Variants in RAPGEF4 observed in about 807,000 individuals in gnomAD.
The protein encoded by RAPGEF4 is RAP guanine-nucleotide-exchange factor (GEF) 4.
A neutral mutation model predicts 147.9 loss-of-function variants in RAPGEF4; 66 were observed. The observed-to-expected ratio is 0.45, with a 90% CI of 0.37 to 0.55. RAPGEF4 has a LOEUF of 0.55. Ranked by LOEUF, RAPGEF4 falls within the 20% of genes least tolerant of loss-of-function variation. The pLI, the probability that RAPGEF4 is intolerant of heterozygous loss-of-function variation, is 0.00. For missense variants in RAPGEF4, 1,071 were observed against 1,257.3 expected (o/e 0.85, Z 2.24); for synonymous variants, 419 against 442.7 (o/e 0.95, Z 0.67).
At chr2:172,913,054 C>G (rs1043467120) in intron 4 of RAPGEF4, among the ~76,000 whole-genome samples, 5 of 152,040 alleles carry the variant, frequency 3.3e-5, no homozygotes, top group African/African-American at 1.2e-4. Flanking sequence ...CACCACCATG[C>G]CTGGCTCATT....
intron 1 of RAPGEF4, among the ~76,000 whole-genome samples, chr2:172,784,744 C>T (rs1166286553): frequency 6.6e-6 from 1 of 152,082 alleles, no homozygotes; most frequent in African/African-American, 2.4e-5. Context: ...ATATCCATGT[C>T]ATCACTGACA....
At chr2:172,869,635 A>G (rs1217203082) in intron 4 of RAPGEF4, among the ~76,000 whole-genome samples, 1 of 152,124 alleles carries the variant, frequency 6.6e-6, no homozygotes, top group African/African-American at 2.4e-5. Flanking sequence ...GATGATTTTT[A>G]TTATGCACAA....
At chr2:172,875,878 C>A (rs907305307) in intron 4 of RAPGEF4, among the ~76,000 whole-genome samples, 1 of 152,186 alleles carries the variant, frequency 6.6e-6, no homozygotes, top group Non-Finnish European at 1.5e-5. Context: ...TATCCATGAG[C>A]ATGGAATGTT....
chr2:173,052,178 T>C lies in RAPGEF4; in HGVS notation c.*411T>C, dbSNP rs557283373. ...GGATAGATTTGGATAAAATTTTAAC[T>C]CAACATCTTGATTTGGAGCCTGGGG... is the stretch of plus-strand genomic sequence containing the variant. On this transcript the variant is annotated 3_prime_UTR_variant, in exon 31 of 31. Coordinates refer to ENST00000397081, the MANE Select transcript of RAPGEF4 (RefSeq NM_007023.4). The C allele has an allele frequency of 6.5e-6, 1 of 154,466 alleles. No homozygotes were observed. The highest frequency in any genetic ancestry group is 1.4e-5 in the Non-Finnish European group (1 of 69,162). The allele number at this position is 154,466 out of a possible 1,614,324, so 9.6% of individuals were successfully genotyped here.
intron 6 of RAPGEF4, among the ~76,000 whole-genome samples, chr2:172,939,140 T>C (rs1277326041): frequency 6.6e-6 from 1 of 152,240 alleles, no homozygotes; most frequent in East Asian, 1.9e-4. Context: ...GGGCAGATTT[T>C]GTGTGAACAT....
At chr2:173,008,209 T>C (rs567050764) in intron 17 of RAPGEF4, among the ~76,000 whole-genome samples, 7 of 152,304 alleles carry the variant, frequency 4.6e-5, no homozygotes, top group South Asian at 2.1e-4. Context: ...TCCACCATGA[T>C]TGTAAGTTTC....
chr2:172,962,400 CA>C (rs1243768198), intron 8 of RAPGEF4, among the ~76,000 whole-genome samples: 1 of 151,946 alleles, frequency 6.6e-6, no homozygotes, highest in African/African-American at 2.4e-5. Context: ...TGTCTTCTAC[CA>C]ACTATGATAG....
At chr2:172,992,926 G>A (rs2602215) in intron 15 of RAPGEF4, among the ~76,000 whole-genome samples, 53,424 of 151,822 alleles carry the variant, frequency 0.35, 10,538 homozygotes, top group East Asian at 0.79. Flanking sequence ...GGGGAGGGGG[G>A]CATGTAGATA....
rs1244382524 is a variant in RAPGEF4 at position 172,852,523 on chromosome 2, G to GTTAA, written c.444+38101_444+38102insATTA. On this transcript the variant is annotated intron_variant, in intron 4 of 30. Transcript: ENST00000397081. The stretch of plus-strand genomic sequence containing the variant: ...ACTATATGAGGTAGGTATTACTAGT[G>GTTAA]TTACCCTGTTTCAACTTCCTTGTGA... Among the ~76,000 whole-genome samples, 3 of 152,104 alleles carry GTTAA rather than the reference G, an allele frequency of 2.0e-5. No homozygotes were observed. The East Asian group carries it at 5.8e-4, about 29-fold the overall frequency.
chr2:172,895,769 A>G (rs1381568756), intron 4 of RAPGEF4, among the ~76,000 whole-genome samples: 2 of 152,198 alleles, frequency 1.3e-5, no homozygotes, highest in Non-Finnish European at 2.9e-5. Context: ...AGGGGTAAAA[A>G]GAACACTTTC....
intron 1 of RAPGEF4, among the ~76,000 whole-genome samples, chr2:172,759,179 A>G (rs1468190959): frequency 6.6e-6 from 1 of 152,170 alleles, no homozygotes; most frequent in Non-Finnish European, 1.5e-5. Flanking sequence ...TAGTAGGTCT[A>G]TTTTTCCAGT....
At chr2:172,944,522 T>G (rs894687064) in intron 6 of RAPGEF4, among the ~76,000 whole-genome samples, 2 of 152,172 alleles carry the variant, frequency 1.3e-5, no homozygotes, top group Non-Finnish European at 2.9e-5. Flanking sequence ...ACTTCGGCTG[T>G]TTCTGTTTCA....
chr2:172,861,215 G>A (rs567935662), intron 4 of RAPGEF4, among the ~76,000 whole-genome samples: 37 of 152,280 alleles, frequency 2.4e-4, no homozygotes, highest in African/African-American at 8.4e-4. Context: ...GGGCAAGAGC[G>A]AAGCAAGATG....
At chr2:172,783,342 A>G (rs1684863253) in intron 1 of RAPGEF4, among the ~76,000 whole-genome samples, 1 of 152,116 alleles carries the variant, frequency 6.6e-6, no homozygotes, top group South Asian at 2.1e-4. Flanking sequence ...CTCATTTGGG[A>G]TCTTGAGGGA....
chr2:172,876,477 A>C (rs1347944918), intron 4 of RAPGEF4, among the ~76,000 whole-genome samples: 1 of 152,140 alleles, frequency 6.6e-6, no homozygotes, highest in African/African-American at 2.4e-5. Context: ...GAATTTTCTC[A>C]AAGGCCTTTT....
chr2:172,907,301 G>A (rs1057029390), intron 4 of RAPGEF4, among the ~76,000 whole-genome samples: 4 of 152,202 alleles, frequency 2.6e-5, no homozygotes, highest in African/African-American at 9.7e-5. Flanking sequence ...ACTGGCCTGA[G>A]GACTTCTGTC....
intron 4 of RAPGEF4, among the ~76,000 whole-genome samples, chr2:172,833,326 T>C (rs1690581194): frequency 6.6e-6 from 1 of 151,678 alleles, no homozygotes; most frequent in Non-Finnish European, 1.5e-5. Flanking sequence ...ACATAGTATC[T>C]GTTTGGGGGA....
intron 4 of RAPGEF4, among the ~76,000 whole-genome samples, chr2:172,908,821 T>A (rs983378854): frequency 1.1e-4 from 17 of 152,074 alleles, no homozygotes; most frequent in African/African-American, 3.9e-4. Context: ...AAGCACTCAT[T>A]TTACTGATGG....
intron 6 of RAPGEF4, among the ~76,000 whole-genome samples, chr2:172,946,378 A>T (rs73030897): frequency 6.6e-5 from 10 of 152,222 alleles, no homozygotes; most frequent in Non-Finnish European, 1.3e-4. Flanking sequence ...TAATGGAAAA[A>T]TAGGAAAAGG....
Sources: allele counts gnomAD v4.1 joint callset (sites outside exome capture counted in the v4.1 genomes callset), GRCh38; gene constraint gnomAD v4.1.1; transcripts MANE v1.5; gene names NCBI Gene and HGNC (gene_info 2026-07-23, HGNC 2026-07-21).